Variants in SCRN1 observed in about 807,000 individuals in gnomAD.
SCRN1 encodes the protein secernin 1.
SCRN1 carries 19 observed loss-of-function variants against 43.3 expected under a neutral mutation model. That is an observed-to-expected ratio of 0.44 (90% confidence interval 0.31 to 0.64). The LOEUF (loss-of-function observed/expected upper bound fraction) is 0.64. Ranked by LOEUF, SCRN1 falls within the 30% of genes least tolerant of loss-of-function variation. The probability of loss-of-function intolerance (pLI) is 0.09; values close to 1 mark genes in which losing one functional copy is unlikely to be tolerated. For synonymous variants in SCRN1, 183 were observed against 188.9 expected (o/e 0.97, Z 0.26); for missense variants, 447 against 524.1 (o/e 0.85, Z 1.44).
At chr7:29,974,891 C>G (rs1788766761) in intron 1 of SCRN1, among the ~76,000 whole-genome samples, 1 of 151,996 alleles carries the variant, frequency 6.6e-6, no homozygotes, top group South Asian at 2.1e-4. Flanking sequence ...ACCATGTTGG[C>G]CAGGCTGGTT....
At chr7:29,972,425 G>A (rs1178845031) in intron 1 of SCRN1, among the ~76,000 whole-genome samples, 1 of 152,132 alleles carries the variant, frequency 6.6e-6, no homozygotes, top group Non-Finnish European at 1.5e-5. Flanking sequence ...AAACCCATGG[G>A]GTTTTGGGCA....
At chr7:29,990,128 G>C, upstream of SCRN1, 1 of 1,551,266 alleles carries the variant, frequency 6.4e-7, no homozygotes, top group Non-Finnish European at 8.7e-7. Flanking sequence ...TGGTTGCTAC[G>C]TCCGGGCCTC....
At chr7:29,947,078 G>A in intron 3 of SCRN1, 1 of 1,262,218 alleles carries the variant, frequency 7.9e-7, no homozygotes, top group Non-Finnish European at 1.1e-6. Context: ...GCCTGGGCAG[G>A]ACCAGGACAG....
chr7:29,982,811 C>A (rs1789030617), intron 1 of SCRN1, among the ~76,000 whole-genome samples: 1 of 151,708 alleles, frequency 6.6e-6, no homozygotes, highest in South Asian at 2.1e-4. Context: ...TGCCCTGACT[C>A]TATCTTCTCA....
chr7:29,985,401 T>G (rs1380912399), intron 1 of SCRN1, among the ~76,000 whole-genome samples: 2 of 148,464 alleles, frequency 1.3e-5, no homozygotes, highest in African/African-American at 5.0e-5. Context: ...AGTGAGACTC[T>G]GTCTCAAAAA....
chr7:29,952,580 C>T (rs1055007748), intron 3 of SCRN1, among the ~76,000 whole-genome samples: 5 of 151,892 alleles, frequency 3.3e-5, no homozygotes, highest in African/African-American at 1.2e-4. Context: ...ATCCCATCTA[C>T]TCAGGAGGCT....
intron 6 of SCRN1, among the ~76,000 whole-genome samples, chr7:29,930,188 GT>G (rs1252159547): frequency 6.6e-6 from 1 of 151,796 alleles, no homozygotes; most frequent in Non-Finnish European, 1.5e-5. Flanking sequence ...AATAAATAAG[GT>G]TATCTAAAAA....
chr7:29,930,551 C>T (rs1180334428), intron 6 of SCRN1, among the ~76,000 whole-genome samples: 1 of 152,200 alleles, frequency 6.6e-6, no homozygotes, highest in Admixed American at 6.5e-5. Flanking sequence ...TACACCCAAC[C>T]GTGTCCAGCC....
chr7:29,948,424 C>T (rs977680322), intron 3 of SCRN1, among the ~76,000 whole-genome samples: 2 of 152,234 alleles, frequency 1.3e-5, no homozygotes, highest in East Asian at 1.9e-4. Flanking sequence ...AGGTTCCTCC[C>T]GCCTACAAAT....
chr7:29,990,157 C>A (rs746935569), upstream of SCRN1: 4 of 1,551,484 alleles, frequency 2.6e-6, no homozygotes, highest in South Asian at 2.4e-5. Context: ...CACAAGATTT[C>A]CCCGGAGAGA....
At chr7:29,973,698 A>C (rs183997714) in intron 1 of SCRN1, among the ~76,000 whole-genome samples, 28 of 152,360 alleles carry the variant, frequency 1.8e-4, no homozygotes, top group Admixed American at 8.5e-4. Flanking sequence ...AGACAATATC[A>C]AAGAAGTTGC....
intron 2 of SCRN1, among the ~76,000 whole-genome samples, chr7:29,960,024 AGGG>A (rs1788258262): frequency 1.7e-4 from 1 of 5,920 alleles, no homozygotes; most frequent in Non-Finnish European, 3.3e-4. Flanking sequence ...GGAGGGAGGG[AGGG>A]AGGGAGGGAG....
chr7:29,979,949 C>T (rs553065302), intron 1 of SCRN1, among the ~76,000 whole-genome samples: 22 of 152,210 alleles, frequency 1.4e-4, no homozygotes, highest in Admixed American at 6.5e-4. Context: ...AGGAAGAAAA[C>T]GATTTACATA....
intron 2 of SCRN1, among the ~76,000 whole-genome samples, chr7:29,966,539 A>G: frequency 6.6e-6 from 1 of 152,222 alleles, no homozygotes; most frequent in Middle Eastern, 3.2e-3. Context: ...CTTTATCTAC[A>G]CAGAGTCCAC....
chr7:29,954,032 A>G (rs1788045780), intron 3 of SCRN1, among the ~76,000 whole-genome samples: 1 of 152,158 alleles, frequency 6.6e-6, no homozygotes, highest in Admixed American at 6.5e-5. Context: ...TATTTCAGGG[A>G]CAAAAAAAGG....
rs1787341802 is a variant in SCRN1 at position 29,936,676 on chromosome 7, GCT to G, written c.783_784del (p.Lys261AsnfsTer9). ...CTCAGAGTCTATGCACACTCCGCTG[GCT>G]TTGTCCCGTAAGGTGTTCATCATAG... On this transcript the variant is annotated frameshift_variant, in exon 6 of 8. Coordinates refer to ENST00000242059, the MANE Select transcript of SCRN1 (RefSeq NM_014766.5). LOFTEE classifies it high-confidence loss of function. 1.3e-6 allele frequency: 2 copies of G among 1,593,768 alleles called. No individual in the cohort carries two copies. The highest frequency in any genetic ancestry group is 1.7e-6 in the Non-Finnish European group (2 of 1,164,652).
At chr7:29,936,288 G>A (rs996961983) in intron 6 of SCRN1, among the ~76,000 whole-genome samples, 5 of 152,034 alleles carry the variant, frequency 3.3e-5, no homozygotes, top group South Asian at 2.1e-4. Flanking sequence ...CAAAAGTAAC[G>A]GTAAGGACCA....
intron 3 of SCRN1, among the ~76,000 whole-genome samples, chr7:29,944,502 A>G (rs1219717006): frequency 1.3e-5 from 2 of 152,058 alleles, no homozygotes; most frequent in Non-Finnish European, 2.9e-5. Flanking sequence ...CCTCAAAAAA[A>G]AATTTTTTTA....
At chr7:29,944,775 C>T (rs186565861) in intron 3 of SCRN1, among the ~76,000 whole-genome samples, 6 of 152,140 alleles carry the variant, frequency 3.9e-5, no homozygotes, top group Non-Finnish European at 8.8e-5. Flanking sequence ...TGTCTTCTCC[C>T]TCTTGGAAGG....
Sources: gnomAD v4.1 joint callset for allele counts (sites outside exome capture counted in the v4.1 genomes callset) on GRCh38, gnomAD v4.1.1 for gene constraint, MANE v1.5 for transcripts, NCBI Gene and HGNC (gene_info 2026-07-23, HGNC 2026-07-21) for gene names.